The following PCDHGB6 variants were observed in gnomAD, a reference collection of about 807,000 sequenced individuals.
PCDHGB6 encodes protocadherin gamma-B6.
PCDHGB6 carries 51 observed loss-of-function variants against 59.1 expected under a neutral mutation model. The ratio of observed to expected loss-of-function variants is 0.86; its 90% confidence interval spans 0.69 to 1.09. The LOEUF (loss-of-function observed/expected upper bound fraction) is 1.09, where lower values mean the gene tolerates loss of function less well. Ranked by LOEUF, PCDHGB6 falls within the 50% of genes least tolerant of loss-of-function variation. The pLI, the probability that PCDHGB6 is intolerant of heterozygous loss-of-function variation, is 0.00. For missense variants in PCDHGB6, 1,148 were observed against 1,205.1 expected (o/e 0.95, Z 0.70); for synonymous variants, 466 against 495.1 (o/e 0.94, Z 0.78).
chr5:141,483,289 A>G (rs1446467890), intron 1 of PCDHGB6, among the ~76,000 whole-genome samples: 3 of 152,194 alleles, frequency 2.0e-5, no homozygotes, highest in Admixed American at 2.0e-4. Flanking sequence ...TCTGTCAGTC[A>G]TAAGTGAAGG....
At chr5:141,435,383 G>C (rs1057246190) in intron 1 of PCDHGB6, among the ~76,000 whole-genome samples, 4 of 151,898 alleles carry the variant, frequency 2.6e-5, no homozygotes, top group Admixed American at 2.0e-4. Flanking sequence ...ACAATATACC[G>C]TATTGCCATG....
At chr5:141,425,719 A>G (rs2096890303) in intron 1 of PCDHGB6, among the ~76,000 whole-genome samples, 1 of 152,200 alleles carries the variant, frequency 6.6e-6, no homozygotes. Context: ...TTCCCATACC[A>G]CTTGATGGGG....
chr5:141,424,504 G>A (rs1357608806), intron 1 of PCDHGB6: 2 of 152,134 alleles, frequency 1.3e-5, no homozygotes, highest in East Asian at 1.9e-4. Flanking sequence ...TGTATGGAAG[G>A]TTTTTTAATG....
At chr5:141,461,408 CAT>C (rs1491314585) in intron 1 of PCDHGB6, among the ~76,000 whole-genome samples, 2 of 151,994 alleles carry the variant, frequency 1.3e-5, no homozygotes, top group South Asian at 2.1e-4. Flanking sequence ...AGCATTTTTT[CAT>C]ATGTTTGTGG....
chr5:141,478,387 C>T, intron 1 of PCDHGB6: 1 of 1,613,642 alleles, frequency 6.2e-7, no homozygotes, highest in Non-Finnish European at 8.5e-7. Context: ...CGCACCTTTA[C>T]CATCAGGTGT....
In PCDHGB6 at chr5:141,420,134, G is replaced by A. The variant is rs769225630; in HGVS notation, c.2418+9514G>A. The A allele has an allele frequency of 1.1e-5, 18 of 1,613,952 alleles. No homozygotes were observed. Among genetic ancestry groups the A allele is most frequent in the Non-Finnish European group, 1.4e-5 (17 of 1,179,876 alleles). Reference sequence around the variant, plus strand: ...TGCCTATAATTTTTGTGTGCCTGGGGATCAAATGAATCCAGAATTTAATTT... The same window carrying A: ...TGCCTATAATTTTTGTGTGCCTGGGAATCAAATGAATCCAGAATTTAATTT... On this transcript the variant is annotated intron_variant, in intron 1 of 3. Coordinates refer to ENST00000520790, the MANE Select transcript of PCDHGB6 (RefSeq NM_018926.3).
chr5:141,409,233 G>A lies in PCDHGB6; in HGVS notation c.1031G>A (p.Ser344Asn). 1.2e-6 allele frequency: 2 copies of A among 1,614,008 alleles called. No individual in the cohort carries two copies. The highest frequency in any genetic ancestry group is 1.7e-6 in the Non-Finnish European group (2 of 1,179,902). The change falls in exon 1 of 4, where the codon AGC becomes AAC. Residue 344 changes from serine to asparagine, a missense_variant. Ser to Asn is a conservative substitution (Grantham distance 46). Transcript: ENST00000520790. ...GAAATCCTTGATGAAAACGACAACA[G>A]CCCAGAAATAATCATCACTTCTCTC... ...IIEILDENDNSPEIIITSLSD... is the reference protein window; with the variant it reads ...IIEILDENDNNPEIIITSLSD...
At position 141,485,568 on chromosome 5, in the gene PCDHGB6, G is replaced by T. The variant is rs1020556289; in HGVS notation, c.2419-9239G>T. 6.2e-7 allele frequency: 1 copy of T among 1,612,758 alleles called. No homozygotes were observed. Among genetic ancestry groups the T allele is most frequent in the Non-Finnish European group, 8.5e-7 (1 of 1,178,924 alleles). On this transcript the variant is annotated intron_variant, in intron 1 of 3. Coordinates refer to ENST00000520790, the MANE Select transcript of PCDHGB6 (RefSeq NM_018926.3). The surrounding 1 kb of genome is among the most constrained non-coding windows in gnomAD (Gnocchi z 5.7). Reference sequence around the variant, plus strand: ...GTAGATGTGAATGATCACGCCCCCCGTTTTCCGCGGCAGCAGCTGGACTTG... The same window carrying T: ...GTAGATGTGAATGATCACGCCCCCCTTTTTCCGCGGCAGCAGCTGGACTTG...
In PCDHGB6 at chr5:141,431,553, A is replaced by G; in HGVS notation, c.2418+20933A>G. ...TTGGGCACGCAGCTGCTTGTAGTCA[A>G]CGCTACCGACCCTGACGAAGGAGTC... On this transcript the variant is annotated intron_variant, in intron 1 of 3. Transcript: ENST00000520790. The surrounding 1 kb of genome is among the most constrained non-coding windows in gnomAD (Gnocchi z 4.8). 1.2e-6 allele frequency: 2 copies of G among 1,614,112 alleles called. No individual in the cohort carries two copies. Among genetic ancestry groups the G allele is most frequent in the Non-Finnish European group, 1.7e-6 (2 of 1,180,020 alleles).
chr5:141,432,974 C>T lies in PCDHGB6; in HGVS notation c.2418+22354C>T. ...CGGCTTGACAGGAGCGCCGGCGTCG[C>T]ACTTTGTGGGCGTGGACGGGGTGCA... On this transcript the variant is annotated intron_variant, in intron 1 of 3. Coordinates refer to ENST00000520790, the MANE Select transcript of PCDHGB6 (RefSeq NM_018926.3). This position sits in a 1 kb window ranked among gnomAD's most constrained non-coding sequence, Gnocchi z 6.0. 6.2e-7 allele frequency: 1 copy of T among 1,614,204 alleles called. No individual in the cohort carries two copies. Among genetic ancestry groups the T allele is most frequent in the Non-Finnish European group, 8.5e-7 (1 of 1,180,030 alleles).
intron 1 of PCDHGB6, chr5:141,427,818 G>T: frequency 6.5e-7 from 1 of 1,530,644 alleles, no homozygotes; most frequent in Non-Finnish European, 9.0e-7. Flanking sequence ...GAGCGGGGTG[G>T]TGGTCGCGCA....
chr5:141,459,285 A>G (rs1316912878), intron 1 of PCDHGB6, among the ~76,000 whole-genome samples: 1 of 152,202 alleles, frequency 6.6e-6, no homozygotes, highest in Non-Finnish European at 1.5e-5. Context: ...TTTCATCTAA[A>G]TGGAATCCTA....
At chr5:141,418,583 T>A (rs1242446631) in intron 1 of PCDHGB6, 1 of 1,613,862 alleles carries the variant, frequency 6.2e-7, no homozygotes, top group Non-Finnish European at 8.5e-7. Flanking sequence ...CCCCCCAGTG[T>A]TCAGCCAGGA....
At chr5:141,419,586 A>T (rs1440548961) in intron 1 of PCDHGB6, 1 of 1,611,696 alleles carries the variant, frequency 6.2e-7, no homozygotes, top group Non-Finnish European at 8.5e-7. Context: ...GCGCTCTTCG[A>T]CACAGTGCCG....
chr5:141,461,409 A>ATATGTTTGT (rs1491521215), intron 1 of PCDHGB6, among the ~76,000 whole-genome samples: 2 of 151,810 alleles, frequency 1.3e-5, no homozygotes, highest in Non-Finnish European at 2.9e-5. Context: ...GCATTTTTTC[A>ATATGTTTGT]TATGTTTGTG....
rs2099425622 is a variant in PCDHGB6, at chr5:141,477,947, T to C, written c.2419-16860T>C. Reference sequence around the variant, plus strand: ...CAATGCCTGGCTCTCCTACAGTCTCTTGGGATCCCCTAACCAGAGCCTTTT... The same window carrying C: ...CAATGCCTGGCTCTCCTACAGTCTCCTGGGATCCCCTAACCAGAGCCTTTT... On this transcript the variant is annotated intron_variant, in intron 1 of 3. Coordinates refer to ENST00000520790, the MANE Select transcript of PCDHGB6 (RefSeq NM_018926.3). The surrounding 1 kb of genome is among the most constrained non-coding windows in gnomAD (Gnocchi z 4.9). 1.9e-6 allele frequency: 3 copies of C among 1,614,132 alleles called. No homozygotes were observed. Among genetic ancestry groups the C allele is most frequent in the Non-Finnish European group, 2.5e-6 (3 of 1,180,018 alleles).
intron 1 of PCDHGB6, chr5:141,414,010 G>A (rs1308472085): frequency 1.2e-6 from 2 of 1,612,990 alleles, no homozygotes; most frequent in Non-Finnish European, 1.7e-6. Flanking sequence ...AGGTGCCAAT[G>A]GAGAAGTGAC....
chr5:141,478,164 C>G lies in PCDHGB6; in HGVS notation c.2419-16643C>G, dbSNP rs202185809. On this transcript the variant is annotated intron_variant, in intron 1 of 3. Transcript: ENST00000520790. Reference sequence around the variant, plus strand: ...GCCGAGTTCCCCTCTGGCTCTGCCCCCCGGGAGCAGAAAAAAAATCTCACC... The same window carrying G: ...GCCGAGTTCCCCTCTGGCTCTGCCCGCCGGGAGCAGAAAAAAAATCTCACC... The G allele has an allele frequency of 1.0e-4, 167 of 1,613,890 alleles. No homozygotes were observed. Among genetic ancestry groups the G allele is most frequent in the Non-Finnish European group, 1.3e-4 (157 of 1,180,048 alleles).
intron 1 of PCDHGB6, chr5:141,413,478 T>C (rs755324008): frequency 6.2e-7 from 1 of 1,614,074 alleles, no homozygotes; most frequent in East Asian, 2.2e-5. Flanking sequence ...AGCTCTGCGC[T>C]CAGAGCGCGC....
Sources: allele counts gnomAD v4.1 joint callset (sites outside exome capture counted in the v4.1 genomes callset), GRCh38; gene constraint gnomAD v4.1.1; non-coding constraint Gnocchi (gnomAD v3.1); transcripts MANE v1.5; gene names NCBI Gene and HGNC (gene_info 2026-07-23, HGNC 2026-07-21).